The following KCNAB1 variants were observed in gnomAD, a reference collection of about 807,000 sequenced individuals.
KCNAB1 encodes voltage-gated potassium channel subunit beta-1.
KCNAB1 carries 35 observed loss-of-function variants against 64.6 expected under a neutral mutation model. That is an observed-to-expected ratio of 0.54 (90% CI 0.41 to 0.72). KCNAB1 has a LOEUF of 0.72. KCNAB1 is among the 30% of genes least tolerant of loss of function. The pLI is 0.00. For synonymous variants in KCNAB1, 177 were observed against 183.8 expected (o/e 0.96, Z 0.30); for missense variants, 401 against 512.9 (o/e 0.78, Z 2.11).
chr3:156,253,060 T>C (rs954993112), intron 1 of KCNAB1, among the ~76,000 whole-genome samples: 3 of 152,202 alleles, frequency 2.0e-5, no homozygotes, highest in Non-Finnish European at 2.9e-5. Flanking sequence ...TGGTTGAGTA[T>C]TCTCATGGAG....
At chr3:156,382,344 T>A (rs912771477) in intron 1 of KCNAB1, 4 of 152,230 alleles carry the variant, frequency 2.6e-5, no homozygotes, top group African/African-American at 9.6e-5. Flanking sequence ...TAGCTGGGCA[T>A]GGTGGTGCAT....
At chr3:156,338,517 G>A (rs938468273) in intron 1 of KCNAB1, among the ~76,000 whole-genome samples, 5 of 151,750 alleles carry the variant, frequency 3.3e-5, no homozygotes, top group Admixed American at 2.0e-4. Flanking sequence ...TCTCCATGTT[G>A]GTGAGGCTGG....
At chr3:156,132,390 T>C (rs1714049615) in intron 1 of KCNAB1, among the ~76,000 whole-genome samples, 1 of 152,250 alleles carries the variant, frequency 6.6e-6, no homozygotes, top group Middle Eastern at 3.2e-3. Context: ...GCCTTCCTTA[T>C]GTCAGTCTAT....
chr3:156,194,116 T>C (rs1277412368), intron 1 of KCNAB1, among the ~76,000 whole-genome samples: 1 of 152,042 alleles, frequency 6.6e-6, no homozygotes, highest in Non-Finnish European at 1.5e-5. Flanking sequence ...ATTAGTTTTA[T>C]GTTAAATATT....
At chr3:156,190,226 G>A (rs894874415) in intron 1 of KCNAB1, among the ~76,000 whole-genome samples, 2 of 152,048 alleles carry the variant, frequency 1.3e-5, no homozygotes, top group Non-Finnish European at 2.9e-5. Flanking sequence ...CAGTGCCCAG[G>A]CCTCTTACCT....
intron 1 of KCNAB1, among the ~76,000 whole-genome samples, chr3:156,414,516 C>T (rs1714917384): frequency 6.6e-6 from 1 of 152,100 alleles, no homozygotes; most frequent in Non-Finnish European, 1.5e-5. Context: ...TGAAGTGATA[C>T]AAAAACACCT....
chr3:156,392,489 C>T (rs569768684), intron 1 of KCNAB1, among the ~76,000 whole-genome samples: 1 of 152,274 alleles, frequency 6.6e-6, no homozygotes, highest in South Asian at 2.1e-4. Flanking sequence ...GCTTTCTACT[C>T]CTAGCCTTAC....
At chr3:156,304,165 C>G (rs1360753030) in intron 1 of KCNAB1, among the ~76,000 whole-genome samples, 1 of 152,152 alleles carries the variant, frequency 6.6e-6, no homozygotes, top group Non-Finnish European at 1.5e-5. Context: ...AGGATATTAG[C>G]ACAGTCTCTA....
At chr3:156,198,485 A>G (rs1236552175) in intron 1 of KCNAB1, among the ~76,000 whole-genome samples, 1 of 152,094 alleles carries the variant, frequency 6.6e-6, no homozygotes, top group Non-Finnish European at 1.5e-5. Flanking sequence ...TATTGGGTGC[A>G]TGTATATTTA....
chr3:156,182,467 C>T (rs1258778032), intron 1 of KCNAB1, among the ~76,000 whole-genome samples: 1 of 152,122 alleles, frequency 6.6e-6, no homozygotes, highest in East Asian at 1.9e-4. Flanking sequence ...GTCCCTCAGC[C>T]ATTTCTACCA....
intron 2 of KCNAB1, among the ~76,000 whole-genome samples, chr3:156,443,404 G>T (rs1278354385): frequency 6.6e-6 from 1 of 152,242 alleles, no homozygotes; most frequent in African/African-American, 2.4e-5. Flanking sequence ...AGGGGCTGTG[G>T]GGAGGTAAAG....
At chr3:156,195,013 C>T (rs1341188159) in intron 1 of KCNAB1, among the ~76,000 whole-genome samples, 1 of 152,088 alleles carries the variant, frequency 6.6e-6, no homozygotes, top group Non-Finnish European at 1.5e-5. Flanking sequence ...TTAACTCCCA[C>T]TTGTGAGCGA....
At chr3:156,522,741 T>A (rs1718037354) in intron 11 of KCNAB1, among the ~76,000 whole-genome samples, 1 of 152,234 alleles carries the variant, frequency 6.6e-6, no homozygotes, top group Non-Finnish European at 1.5e-5. Flanking sequence ...CAGCAGCCTA[T>A]TGAAATCATG....
rs903043235 is a variant in KCNAB1, at chr3:156,187,921, T to C, written c.275+67035T>C. Among the ~76,000 whole-genome samples the C allele has an allele frequency of 2.6e-5, 4 of 152,332 alleles. No homozygotes were observed. In the South Asian group the frequency reaches 8.3e-4, roughly 32 times the overall value. ...TAGCTTAATTTCTCATCAATTTCACTCCTTTGTACTTCACAAGCTTATCAT... is the reference window on the plus strand; with the variant it reads ...TAGCTTAATTTCTCATCAATTTCACCCCTTTGTACTTCACAAGCTTATCAT... On this transcript the variant is annotated intron_variant, in intron 1 of 13. Transcript: ENST00000490337.
chr3:156,532,270 G>A (rs1434326178), intron 13 of KCNAB1, among the ~76,000 whole-genome samples: 1 of 152,136 alleles, frequency 6.6e-6, no homozygotes, highest in Non-Finnish European at 1.5e-5. Context: ...TGGGTTGAAA[G>A]GATGTTCCTG....
chr3:156,317,059 T>C (rs1156445444), intron 1 of KCNAB1, among the ~76,000 whole-genome samples: 2 of 152,220 alleles, frequency 1.3e-5, no homozygotes, highest in African/African-American at 2.4e-5. Context: ...ATGATTCTTC[T>C]TATTATTATT....
intron 1 of KCNAB1, among the ~76,000 whole-genome samples, chr3:156,383,761 G>T (rs1001514700): frequency 3.3e-5 from 5 of 152,154 alleles, no homozygotes; most frequent in Admixed American, 1.3e-4. Flanking sequence ...TAGCCAAAAA[G>T]AAAAAAATTA....
intron 1 of KCNAB1, among the ~76,000 whole-genome samples, chr3:156,220,067 A>G (rs557554845): frequency 3.3e-5 from 5 of 152,266 alleles, no homozygotes; most frequent in South Asian, 2.1e-4. Context: ...TTATGGCTGC[A>G]TAGTATTCTA....
chr3:156,397,048 G>A (rs192283167), intron 1 of KCNAB1, among the ~76,000 whole-genome samples: 22 of 152,302 alleles, frequency 1.4e-4, no homozygotes, highest in African/African-American at 2.6e-4. Context: ...AGTAATTGCC[G>A]CTGTTCCTTG....
Sources: allele counts gnomAD v4.1 joint callset (sites outside exome capture counted in the v4.1 genomes callset), GRCh38; gene constraint gnomAD v4.1.1; transcripts MANE v1.5; gene names NCBI Gene and HGNC (gene_info 2026-07-23, HGNC 2026-07-21).